VAV2: variants seen among roughly 807,000 people sequenced by gnomAD.
The protein encoded by VAV2 is vav guanine nucleotide exchange factor 2.
VAV2 carries 67 observed loss-of-function variants against 132.5 expected under a neutral mutation model. That is an observed-to-expected ratio of 0.51 (90% CI 0.42 to 0.62). VAV2 has a LOEUF of 0.62. Among genes scored for constraint, VAV2 ranks in the 20% least tolerant of loss-of-function variants. VAV2 has a pLI of 0.00. For synonymous variants in VAV2, 492 were observed against 443.5 expected (o/e 1.11, Z -1.37); for missense variants, 938 against 1,153.6 (o/e 0.81, Z 2.71).
chr9:133,872,211 G>A (rs898988017), intron 2 of VAV2, among the ~76,000 whole-genome samples: 2 of 151,770 alleles, frequency 1.3e-5, no homozygotes, highest in African/African-American at 2.4e-5. Flanking sequence ...TGACCTGGCC[G>A]ACCCCAAGAG....
chr9:133,865,676 T>G (rs1296778061), intron 2 of VAV2, among the ~76,000 whole-genome samples: 1 of 152,270 alleles, frequency 6.6e-6, no homozygotes, highest in African/African-American at 2.4e-5. Context: ...TCTCATCGAC[T>G]GCATCTGCTA....
rs1293556733 is a variant in VAV2 at position 133,928,821 on chromosome 9, C to T, written c.321+10282G>A. Among the ~76,000 whole-genome samples the T allele has an allele frequency of 6.6e-6, 1 of 152,172 alleles. No homozygotes were observed. The highest frequency in any genetic ancestry group is 1.9e-4 in the East Asian group (1 of 5,188). ...CTGGATACACTTGTCCAGCCCCAGA[C>T]GCAGGGCAGGTGGATGGTGGGTGTG... On this transcript the variant is annotated intron_variant, in intron 2 of 29. Transcript: ENST00000371850. The surrounding 1 kb of genome is among the most constrained non-coding windows in gnomAD (Gnocchi z 5.4).
chr9:133,915,993 T>A (rs966982296), intron 2 of VAV2, among the ~76,000 whole-genome samples: 1 of 150,110 alleles, frequency 6.7e-6, no homozygotes, highest in Non-Finnish European at 1.5e-5. Flanking sequence ...GATGCACACA[T>A]GATATACATG....
At chr9:133,777,854 A>G (rs896450645) in intron 22 of VAV2, among the ~76,000 whole-genome samples, 1 of 152,232 alleles carries the variant, frequency 6.6e-6, no homozygotes, top group Non-Finnish European at 1.5e-5. Context: ...GTATGGACTG[A>G]TAATGACCAT....
In VAV2 at chr9:133,928,574, G is replaced by T. The variant is rs989975630; in HGVS notation, c.321+10529C>A. On this transcript the variant is annotated intron_variant, in intron 2 of 29. Transcript: ENST00000371850. This position sits in a 1 kb window ranked among gnomAD's most constrained non-coding sequence, Gnocchi z 5.4. ...TCAGACCGACTGGCAGAAAGGCCTC[G>T]GGTGAGCACAGAGTCTTCTGCACTC... 6.6e-6 allele frequency among the ~76,000 whole-genome samples: 1 copy of T among 152,142 alleles called. No individual in the cohort carries two copies. The highest frequency in any genetic ancestry group is 6.5e-5 in the Admixed American group (1 of 15,276).
chr9:133,785,101 T>C (rs1197723073), intron 17 of VAV2, among the ~76,000 whole-genome samples: 1 of 152,112 alleles, frequency 6.6e-6, no homozygotes, highest in African/African-American at 2.4e-5. Flanking sequence ...AGCCAGGCCC[T>C]GGCCCTGCTG....
At chr9:133,786,599 T>G (rs1249414783) in intron 16 of VAV2, among the ~76,000 whole-genome samples, 1 of 152,110 alleles carries the variant, frequency 6.6e-6, no homozygotes, top group Non-Finnish European at 1.5e-5. Flanking sequence ...AAACCTCACT[T>G]CTCTGAAGTA....
intron 7 of VAV2, 83 bp from the exon 8 acceptor site, chr9:133,807,409 G>T: frequency 7.1e-7 from 1 of 1,416,362 alleles, no homozygotes; most frequent in East Asian, 2.5e-5. Context: ...AGGGTCCCAG[G>T]GCAGCTCCGA....
At chr9:133,825,432 G>C (rs948537589) in intron 4 of VAV2, among the ~76,000 whole-genome samples, 3 of 152,150 alleles carry the variant, frequency 2.0e-5, no homozygotes, top group African/African-American at 7.2e-5. Flanking sequence ...AACAGGGCTG[G>C]ATTCATTTGC....
rs561366999 is a variant in VAV2, at chr9:133,919,387, A to C, written c.321+19716T>G. Among the ~76,000 whole-genome samples the C allele has an allele frequency of 3.9e-5, 6 of 152,298 alleles. No homozygotes were observed. Among genetic ancestry groups the C allele is most frequent in the African/African-American group, 1.4e-4 (6 of 41,568 alleles). On this transcript the variant is annotated intron_variant, in intron 2 of 29. Coordinates refer to ENST00000371850, the MANE Select transcript of VAV2 (RefSeq NM_001134398.2). The surrounding 1 kb of genome is among the most constrained non-coding windows in gnomAD (Gnocchi z 5.8). ...CCGGGCTTTGAAACCAGATCCTGGG[A>C]GCTGCAGACCATAATCTCTGCTTCA...
chr9:133,905,276 A>AT (rs1457767570), intron 2 of VAV2, among the ~76,000 whole-genome samples: 1 of 150,422 alleles, frequency 6.6e-6, no homozygotes, highest in East Asian at 2.0e-4. Flanking sequence ...TAAAAAAAAA[A>AT]ATACAAAAAA....
chr9:133,871,151 G>A (rs1838019792), intron 2 of VAV2, among the ~76,000 whole-genome samples: 1 of 151,184 alleles, frequency 6.6e-6, no homozygotes, highest in Non-Finnish European at 1.5e-5. Flanking sequence ...TGGGCAGATG[G>A]ATGGGTGGGC....
chr9:133,989,801 T>TG (rs1842961624), intron 1 of VAV2, among the ~76,000 whole-genome samples: 1 of 152,222 alleles, frequency 6.6e-6, no homozygotes, highest in African/African-American at 2.4e-5. Flanking sequence ...TTCTCCACGT[T>TG]GAATGAACAG....
At chr9:133,972,075 T>A (rs1842353694) in intron 1 of VAV2, among the ~76,000 whole-genome samples, 1 of 152,060 alleles carries the variant, frequency 6.6e-6, no homozygotes, top group African/African-American at 2.4e-5. Flanking sequence ...CCAAAGGCCA[T>A]TCTGATTCAT....
chr9:133,867,412 G>A (rs1024546744), intron 2 of VAV2, among the ~76,000 whole-genome samples: 47 of 152,208 alleles, frequency 3.1e-4, no homozygotes, highest in African/African-American at 1.0e-3. Context: ...TGGTGGGGCC[G>A]CCTGGGGCCC....
At chr9:133,978,605 G>T (rs962139326) in intron 1 of VAV2, among the ~76,000 whole-genome samples, 6 of 151,786 alleles carry the variant, frequency 4.0e-5, no homozygotes, top group Non-Finnish European at 8.8e-5. Context: ...CTGTGAGAAT[G>T]ATTTGTCTTC....
At chr9:133,945,835 C>T (rs938901316) in intron 1 of VAV2, among the ~76,000 whole-genome samples, 2 of 152,240 alleles carry the variant, frequency 1.3e-5, no homozygotes, top group African/African-American at 4.8e-5. Context: ...CTCTTGCACA[C>T]AACCACATTC....
Position 133,795,743 on chromosome 9 carries a change from G to A in VAV2, c.1033-7C>T, listed in dbSNP as rs1158842695. ...CAGAATGGCTCAGAAGCTCCTGGAA[G>A]GGTGAGAAGAGTGTCATGTGTTACC... On this transcript the variant is annotated splice_region_variant and splice_polypyrimidine_tract_variant and intron_variant, in intron 11 of 29. Coordinates refer to ENST00000371850, the MANE Select transcript of VAV2 (RefSeq NM_001134398.2). 1 of 1,613,456 alleles carries A rather than the reference G, an allele frequency of 6.2e-7. No homozygotes were observed. Among genetic ancestry groups the A allele is most frequent in the South Asian group, 1.1e-5 (1 of 91,070 alleles).
chr9:133,807,167 C>G, intron 8 of VAV2, 91 bp downstream of exon 8: 1 of 1,434,254 alleles, frequency 7.0e-7, no homozygotes, highest in Non-Finnish European at 9.4e-7. Context: ...GGGTGCAGCT[C>G]TCCAAGGCCC....
Sources: gnomAD v4.1 joint callset for allele counts (sites outside exome capture counted in the v4.1 genomes callset) on GRCh38, gnomAD v4.1.1 for gene constraint, Gnocchi (gnomAD v3.1) non-coding constraint, MANE v1.5 for transcripts, NCBI Gene and HGNC (gene_info 2026-07-23, HGNC 2026-07-21) for gene names.